Variants in SLC15A5 observed in about 807,000 individuals in gnomAD.
SLC15A5 encodes the protein solute carrier family 15 member 5, also known as Peptide/histidine transporter ENSP00000340402.
In SLC15A5, 58 loss-of-function variants were observed where a neutral mutation model predicts 56.1. The ratio of observed to expected loss-of-function variants is 1.03; its 90% CI spans 0.84 to 1.29. The LOEUF (loss-of-function observed/expected upper bound fraction) is 1.29. SLC15A5 is among the 50% of genes most tolerant of loss of function. The pLI is 0.00. For synonymous variants in SLC15A5, 264 were observed against 250.5 expected, an observed-to-expected ratio of 1.05 and a Z score of -0.51; for missense variants, 681 against 672.1, an observed-to-expected ratio of 1.01 and a Z score of -0.15.
At chr12:16,230,680 G>A (rs537794267) in intron 5 of SLC15A5, among the ~76,000 whole-genome samples, 24 of 151,662 alleles carry the variant, frequency 1.6e-4, no homozygotes, top group Non-Finnish European at 3.2e-4. Context: ...TTGGGAGGCC[G>A]AGGCGGGTGG....
chr12:16,218,521 T>A (rs1461696090), intron 6 of SLC15A5, among the ~76,000 whole-genome samples: 1 of 152,188 alleles, frequency 6.6e-6, no homozygotes. Context: ...TCTAGCCTAC[T>A]ACACACCTAG....
At chr12:16,238,181 C>A (rs1427242134) in intron 5 of SLC15A5, among the ~76,000 whole-genome samples, 3 of 152,096 alleles carry the variant, frequency 2.0e-5, no homozygotes, top group East Asian at 3.9e-4. Flanking sequence ...TTAGTTCTAA[C>A]CAAAAATAAA....
At chr12:16,229,639 CACACACAT>C (rs1436376895) in intron 5 of SLC15A5, among the ~76,000 whole-genome samples, 1 of 111,654 alleles carries the variant, frequency 9.0e-6, no homozygotes, top group Non-Finnish European at 1.8e-5. Flanking sequence ...GTAAGCAACA[CACACACAT>C]ACACACACAC....
At chr12:16,256,205 A>G (rs1167038411) in intron 3 of SLC15A5, among the ~76,000 whole-genome samples, 1 of 152,212 alleles carries the variant, frequency 6.6e-6, no homozygotes, top group Admixed American at 6.5e-5. Flanking sequence ...TTTATTACAT[A>G]TACTATACCT....
At chr12:16,234,770 C>A (rs969646561) in intron 5 of SLC15A5, among the ~76,000 whole-genome samples, 1 of 152,016 alleles carries the variant, frequency 6.6e-6, no homozygotes, top group Non-Finnish European at 1.5e-5. Flanking sequence ...AAAAGACATT[C>A]CGAATTTATT....
At chr12:16,264,490 T>A (rs1317389188) in intron 2 of SLC15A5, among the ~76,000 whole-genome samples, 1 of 152,194 alleles carries the variant, frequency 6.6e-6, no homozygotes, top group African/African-American at 2.4e-5. Flanking sequence ...TTTGAGTTAA[T>A]GCTGAAATGA....
chr12:16,219,138 A>C (rs1283456876), intron 6 of SLC15A5, among the ~76,000 whole-genome samples: 1 of 152,196 alleles, frequency 6.6e-6, no homozygotes, highest in Non-Finnish European at 1.5e-5. Context: ...GAGCAGAAAC[A>C]GCACATTATT....
intron 3 of SLC15A5, among the ~76,000 whole-genome samples, chr12:16,251,499 T>C (rs1315288139): frequency 1.3e-5 from 2 of 151,542 alleles, no homozygotes; most frequent in African/African-American, 2.4e-5. Flanking sequence ...AAAGGAGACA[T>C]TACAAATGAT....
chr12:16,200,904 AAT>A (rs1184144416), intron 7 of SLC15A5, among the ~76,000 whole-genome samples: 1 of 152,186 alleles, frequency 6.6e-6, no homozygotes, highest in African/African-American at 2.4e-5. Flanking sequence ...ACAGGAAATC[AAT>A]ATATTAAACA....
intron 5 of SLC15A5, among the ~76,000 whole-genome samples, chr12:16,225,859 G>C (rs977427241): frequency 6.6e-6 from 1 of 152,194 alleles, no homozygotes; most frequent in Admixed American, 6.5e-5. Context: ...ATATCCAGAC[G>C]CCAGTGATCT....
chr12:16,205,580 C>T lies in SLC15A5; in HGVS notation c.1484-11127G>A, dbSNP rs1269413360. On this transcript the variant is annotated intron_variant, in intron 7 of 8. Transcript: ENST00000344941. The stretch of plus-strand genomic sequence containing the variant: ...TATATTCCATAAGAAGGGAAAGGTG[C>T]ATATATATATACATATACACACACA... Among the ~76,000 whole-genome samples, 187 of 43,066 alleles carry T rather than the reference C, an allele frequency of 4.3e-3. 7 individuals are homozygous for T. Among genetic ancestry groups the T allele is most frequent in the East Asian group, 0.02 (1 of 50 alleles). 28.3% of individuals were successfully genotyped at this position (43,066 alleles called of 152,430 possible). A position where few individuals can be genotyped will look rare whatever the true frequency, so the allele number is the denominator to read the frequency against.
At chr12:16,240,096 C>T (rs1029652661) in intron 4 of SLC15A5, among the ~76,000 whole-genome samples, 1 of 152,182 alleles carries the variant, frequency 6.6e-6, no homozygotes, top group African/African-American at 2.4e-5. Flanking sequence ...AATACTCTAT[C>T]ATCATTTAGT....
intron 7 of SLC15A5, 122 bp downstream of exon 7, chr12:16,216,771 A>G: frequency 2.5e-6 from 2 of 815,074 alleles, no homozygotes; most frequent in South Asian, 2.2e-5. Context: ...TTCTATCTTA[A>G]TTGCAAAAGT....
intron 5 of SLC15A5, 130 bp from the exon 6 acceptor site, chr12:16,224,732 A>T (rs562895925): frequency 2.0e-5 from 19 of 962,088 alleles, no homozygotes; most frequent in African/African-American, 1.5e-4. Context: ...ATTTTTTTTT[A>T]ATTTTTTTAT....
At chr12:16,251,502 C>T (rs1227052940) in intron 3 of SLC15A5, among the ~76,000 whole-genome samples, 1 of 151,616 alleles carries the variant, frequency 6.6e-6, no homozygotes, top group African/African-American at 2.4e-5. Context: ...GGAGACATTA[C>T]AAATGATGTC....
At chr12:16,201,886 G>A (rs1863960833) in intron 7 of SLC15A5, among the ~76,000 whole-genome samples, 1 of 152,098 alleles carries the variant, frequency 6.6e-6, no homozygotes. Flanking sequence ...TCAATAAATG[G>A]TGCTGGGAAA....
chr12:16,251,577 T>C (rs1864519112), intron 3 of SLC15A5, among the ~76,000 whole-genome samples: 1 of 151,796 alleles, frequency 6.6e-6, no homozygotes, highest in Non-Finnish European at 1.5e-5. Flanking sequence ...CTAGAAGAAA[T>C]GGATAGCTTT....
At chr12:16,240,996 G>A (rs10846313) in intron 4 of SLC15A5, among the ~76,000 whole-genome samples, 60,975 of 151,674 alleles carry the variant, frequency 0.4, 12,756 homozygotes, top group South Asian at 0.61. Context: ...TGTATTTTTA[G>A]TAGAGATGAG....
chr12:16,189,842 C>T, intron 8 of SLC15A5, 27 bp from the exon 9 acceptor site: 1 of 1,439,070 alleles, frequency 6.9e-7, no homozygotes, highest in South Asian at 1.5e-5. Flanking sequence ...GAAAGCTTTT[C>T]TTAGGACCAG....
Sources: gnomAD v4.1 joint callset for allele counts (sites outside exome capture counted in the v4.1 genomes callset) on GRCh38, gnomAD v4.1.1 for gene constraint, MANE v1.5 for transcripts, NCBI Gene and HGNC (gene_info 2026-07-23, HGNC 2026-07-21) for gene names.